The following SAMMSON variants were observed in gnomAD, a reference collection of about 807,000 sequenced individuals.
SAMMSON encodes the protein survival associated mitochondrial melanoma specific oncogenic non-coding RNA, also known as long intergenic non-protein coding RNA 1212.
intron 7 of SAMMSON, chr3:70,311,934 C>T (rs962846432): frequency 2.0e-5 from 8 of 397,778 alleles, no homozygotes; most frequent in Admixed American, 4.4e-5. Context: ...AAATGCTCAG[C>T]TGTTCTTACT....
intron 3 of SAMMSON, among the ~76,000 whole-genome samples, chr3:70,041,773 G>A (rs2067107230): frequency 6.6e-6 from 1 of 152,058 alleles, no homozygotes; most frequent in Non-Finnish European, 1.5e-5. Context: ...AGGATGTGCA[G>A]AAGTTATATG....
intron 9 of SAMMSON, among the ~76,000 whole-genome samples, chr3:70,369,982 C>A (rs1289940093): frequency 6.6e-6 from 1 of 151,880 alleles, no homozygotes; most frequent in African/African-American, 2.4e-5. Flanking sequence ...ATTCCCACAA[C>A]TTTCCAGTCT....
intron 4 of SAMMSON, among the ~76,000 whole-genome samples, chr3:70,183,071 C>A (rs1701066558): frequency 6.6e-6 from 1 of 152,162 alleles, no homozygotes; most frequent in South Asian, 2.1e-4. Flanking sequence ...AATAACTATT[C>A]TTTGTTGAAC....
chr3:70,105,630 C>A (rs2067364265), intron 4 of SAMMSON, among the ~76,000 whole-genome samples: 1 of 152,112 alleles, frequency 6.6e-6, no homozygotes, highest in South Asian at 2.1e-4. Flanking sequence ...CAAATTGGAC[C>A]CCATTTCAAT....
chr3:70,202,271 G>C (rs1408654081), intron 4 of SAMMSON, among the ~76,000 whole-genome samples: 1 of 152,122 alleles, frequency 6.6e-6, no homozygotes, highest in Non-Finnish European at 1.5e-5. Flanking sequence ...TCAGTGACTA[G>C]TGGTCTTTCT....
chr3:70,407,673 C>T lies in SAMMSON; in HGVS notation n.233+49349C>T, dbSNP rs527767051. 9.6e-4 allele frequency among the ~76,000 whole-genome samples: 146 copies of T among 152,338 alleles called. No individual in the cohort carries two copies. In the Middle Eastern group the frequency reaches 0.017, roughly 18 times the overall value. ...TGGCTTTCCAGGGTACAGCTTCGCTCCCAGCTGCCTTGAGTGCTTTGGGCT... is the reference window on the plus strand; with the variant it reads ...TGGCTTTCCAGGGTACAGCTTCGCTTCCAGCTGCCTTGAGTGCTTTGGGCT... On this transcript the variant is annotated intron_variant and non_coding_transcript_variant, in intron 2 of 3. Transcript: ENST00000641053.
intron 4 of SAMMSON, among the ~76,000 whole-genome samples, chr3:70,246,220 G>T (rs1356898424): frequency 6.6e-6 from 1 of 151,922 alleles, no homozygotes; most frequent in African/African-American, 2.4e-5. Context: ...TTTAATTTTT[G>T]ATATTTTTAT....
Position 70,199,938 on chromosome 3 carries a change from C to T in SAMMSON, n.508-49169C>T, listed in dbSNP as rs1559533412. On this transcript the variant is annotated intron_variant and non_coding_transcript_variant, in intron 4 of 9. Coordinates refer to ENST00000642114, the Ensembl canonical transcript of SAMMSON. Reference sequence around the variant, plus strand: ...ACCAAGGCCAAACTGCATTTTGGATCTCTCTCTCCCCAGTCCTACAAATCT... The same window carrying T: ...ACCAAGGCCAAACTGCATTTTGGATTTCTCTCTCCCCAGTCCTACAAATCT... Among the ~76,000 whole-genome samples the T allele has an allele frequency of 2.0e-5, 3 of 152,168 alleles. No individual in the cohort carries two copies. In the South Asian group the frequency reaches 6.2e-4, roughly 32 times the overall value.
chr3:70,131,196 C>T (rs781582890), intron 4 of SAMMSON, among the ~76,000 whole-genome samples: 12 of 152,092 alleles, frequency 7.9e-5, no homozygotes, highest in Non-Finnish European at 1.2e-4. Flanking sequence ...AGTGGCTCAG[C>T]GATATCATTG....
At chr3:70,292,385 C>T (rs1053790515) in intron 7 of SAMMSON, among the ~76,000 whole-genome samples, 1 of 152,138 alleles carries the variant, frequency 6.6e-6, no homozygotes, top group African/African-American at 2.4e-5. Flanking sequence ...GCTAAATCCA[C>T]TATGCCTGAC....
chr3:70,000,173 G>A (rs1363712283), intron 1 of SAMMSON, among the ~76,000 whole-genome samples: 1 of 152,172 alleles, frequency 6.6e-6, no homozygotes, highest in African/African-American at 2.4e-5. Context: ...GGCTTCAGGA[G>A]CACACACGTC....
chr3:70,327,003 C>G (rs1156943270), intron 7 of SAMMSON, among the ~76,000 whole-genome samples: 1 of 152,098 alleles, frequency 6.6e-6, no homozygotes, highest in Admixed American at 6.6e-5. Flanking sequence ...GGCTGACAGG[C>G]ATGTGCCACC....
chr3:70,052,771 G>T (rs530196195), intron 3 of SAMMSON, among the ~76,000 whole-genome samples: 1 of 152,212 alleles, frequency 6.6e-6, no homozygotes, highest in East Asian at 1.9e-4. Context: ...AATGCCTCCA[G>T]AAATTGCCAA....
At chr3:70,066,449 T>G (rs1027234) in intron 3 of SAMMSON, among the ~76,000 whole-genome samples, 73,474 of 151,782 alleles carry the variant, frequency 0.48, 18,567 homozygotes, top group East Asian at 0.66. Context: ...GGACAAAGAG[T>G]CTCAGAAAAG....
intron 4 of SAMMSON, among the ~76,000 whole-genome samples, chr3:70,106,695 C>G (rs2067368602): frequency 1.3e-5 from 2 of 152,150 alleles, no homozygotes; most frequent in South Asian, 4.2e-4. Flanking sequence ...GTCTCTGGAC[C>G]ACACATGGGG....
chr3:70,354,612 C>A (rs1702816042), intron 8 of SAMMSON, among the ~76,000 whole-genome samples: 2 of 152,114 alleles, frequency 1.3e-5, no homozygotes, highest in South Asian at 4.2e-4. Context: ...GTGTCACTGA[C>A]CCAGGGCTTC....
chr3:70,021,075 G>A (rs767617970), intron 3 of SAMMSON, among the ~76,000 whole-genome samples: 18 of 152,264 alleles, frequency 1.2e-4, no homozygotes, highest in East Asian at 7.7e-4. Flanking sequence ...TCCATGGAAA[G>A]TGACTTTAGA....
chr3:70,234,220 G>A (rs930602689), intron 4 of SAMMSON, among the ~76,000 whole-genome samples: 2 of 152,218 alleles, frequency 1.3e-5, no homozygotes, highest in Non-Finnish European at 2.9e-5. Flanking sequence ...TAGACACTTA[G>A]AGGGCTGGGT....
chr3:70,078,549 G>A (rs572281566), intron 4 of SAMMSON, among the ~76,000 whole-genome samples: 15 of 152,176 alleles, frequency 9.9e-5, no homozygotes, highest in South Asian at 2.1e-4. Context: ...CCCCTGGCCC[G>A]CCAATTTTTC....
Sources: gnomAD v4.1 joint callset for allele counts (sites outside exome capture counted in the v4.1 genomes callset) on GRCh38, gnomAD v4.1.1 for gene constraint, MANE v1.5 for transcripts, NCBI Gene and HGNC (gene_info 2026-07-23, HGNC 2026-07-21) for gene names.